The following CD200 variants were observed in gnomAD, a reference collection of about 807,000 sequenced individuals.
CD200 encodes CD200 molecule.
A neutral mutation model predicts 30.9 loss-of-function variants in CD200; 15 were observed. The observed-to-expected ratio is 0.49, with a 90% CI of 0.32 to 0.75. The LOEUF (loss-of-function observed/expected upper bound fraction) is 0.75. CD200 is among the 30% of genes least tolerant of loss of function. CD200 has a pLI of 0.03. For missense variants in CD200, 262 were observed against 324.2 expected (o/e 0.81, Z 1.47); for synonymous variants, 134 against 126.2 (o/e 1.06, Z -0.41).
rs201035128 is a variant in CD200 at position 112,345,386 on chromosome 3, A to T, written c.421+98A>T. 175 of 934,388 alleles carry T rather than the reference A, an allele frequency of 1.9e-4. 1 individual carries two copies. The East Asian group carries it at 4.2e-3, about 23-fold the overall frequency. The allele number at this position is 934,388 out of a possible 1,614,324, so 57.9% of individuals were successfully genotyped here. On this transcript the variant is annotated intron_variant, in intron 3 of 5. Transcript: ENST00000315711. ...TGCCCAGTTTTTCAGGATTTTAACC[A>T]CAGAAAGGGTCATGAGAAGATAGCC...
intron 2 of CD200, among the ~76,000 whole-genome samples, chr3:112,341,985 T>G (rs2081248671): frequency 6.6e-6 from 1 of 152,190 alleles, no homozygotes; most frequent in South Asian, 2.1e-4. Context: ...TATACCCATC[T>G]TTCATTCCCT....
In CD200 at chr3:112,344,983, A is replaced by G. The variant is rs1465337324; in HGVS notation, c.116A>G (p.Glu39Gly). The change falls in exon 3 of 6, where the codon GAA (glutamate) becomes GGA (glycine). Residue 39 changes from glutamate to glycine, a missense_variant. Transcript: ENST00000315711. ...ATAGTGCAAGTGGTGACCCAGGATG[A>G]AAGAGAGCAGCTGTACACACCTGCT... is the stretch of plus-strand genomic sequence containing the variant. ...TAQVQVVTQDEREQLYTPASL... is the reference protein window; with the variant it reads ...TAQVQVVTQDGREQLYTPASL... 1 of 1,612,854 alleles carries G rather than the reference A, an allele frequency of 6.2e-7. No individual in the cohort carries two copies. The highest frequency in any genetic ancestry group is 1.3e-5 in the African/African-American group (1 of 74,830).
At chr3:112,352,685 G>GGTAAGTAAGGTAAGTAAGTAAGGTAA (rs1383602416) in intron 5 of CD200, among the ~76,000 whole-genome samples, 1 of 152,134 alleles carries the variant, frequency 6.6e-6, no homozygotes, top group East Asian at 1.9e-4. Context: ...ATAAAAATCT[G>GGTAAGTAAGGTAAGTAAGTAAGGTAA]GTAAGTAAGG....
At position 112,342,418 on chromosome 3, in the gene CD200, TTTCTTTCTTTC is replaced by T. The variant is rs1188560064; in HGVS notation, c.94+1440_94+1450del. Among the ~76,000 whole-genome samples, 92 of 82,822 alleles carry T rather than the reference TTTCTTTCTTTC, an allele frequency of 1.1e-3. 12 individuals carry two copies. The highest frequency in any genetic ancestry group is 3.9e-3 in the African/African-American group (87 of 22,148). The allele number at this position is 82,822 out of a possible 152,430, so 54.3% of individuals were successfully genotyped here. Reference sequence around the variant, plus strand: ...CTTTCTTTCTTTCTTTCTTTCTTTCTTTCTTTCTTTCTTCTCTCTCTTTCTATGAAATTTCA... The same window carrying T: ...CTTTCTTTCTTTCTTTCTTTCTTTCTTTCTCTCTCTTTCTATGAAATTTCA... On this transcript the variant is annotated intron_variant, in intron 2 of 5. Coordinates refer to ENST00000315711, the MANE Select transcript of CD200 (RefSeq NM_005944.7).
At chr3:112,345,428 G>C (rs113185557) in intron 3 of CD200, 140 bp downstream of exon 3, 11 of 666,330 alleles carry the variant, frequency 1.7e-5, no homozygotes, top group Non-Finnish European at 7.8e-6. Flanking sequence ...GTCTACTATA[G>C]CTGTGTTTAT....
chr3:112,352,475 G>C (rs1372151373), intron 5 of CD200, among the ~76,000 whole-genome samples: 1 of 151,926 alleles, frequency 6.6e-6, no homozygotes, highest in Non-Finnish European at 1.5e-5. Context: ...TAATACAAAG[G>C]TTTTGAACTT....
intron 1 of CD200, among the ~76,000 whole-genome samples, chr3:112,339,215 T>A (rs941078822): frequency 1.3e-5 from 2 of 152,190 alleles, no homozygotes; most frequent in Admixed American, 1.3e-4. Context: ...GTCTTTCAAA[T>A]CAGACAATTA....
At chr3:112,360,938 T>C (rs2081728657) in intron 5 of CD200, among the ~76,000 whole-genome samples, 1 of 152,266 alleles carries the variant, frequency 6.6e-6, no homozygotes, top group South Asian at 2.1e-4. Context: ...AACATATTCC[T>C]TTACTTGTAG....
At chr3:112,361,186 GCCA>G (rs1041244165) in intron 5 of CD200, among the ~76,000 whole-genome samples, 7 of 150,646 alleles carry the variant, frequency 4.6e-5, no homozygotes, top group African/African-American at 1.7e-4. Flanking sequence ...ACAGGTGCAT[GCCA>G]CCATGTCCAG....
intron 5 of CD200, among the ~76,000 whole-genome samples, chr3:112,350,569 A>G (rs1341962882): frequency 6.6e-6 from 1 of 152,232 alleles, no homozygotes; most frequent in African/African-American, 2.4e-5. Context: ...AGGAAGAATG[A>G]AATGTCTTTG....
chr3:112,339,203 T>C (rs938255599), intron 1 of CD200, among the ~76,000 whole-genome samples: 1 of 152,212 alleles, frequency 6.6e-6, no homozygotes, highest in East Asian at 1.9e-4. Flanking sequence ...TTTTGTCCTC[T>C]GGTCTTTCAA....
At chr3:112,342,353 CTTTCTTTCTTTCTTTCTTTCT>C (rs2081274783) in intron 2 of CD200, among the ~76,000 whole-genome samples, 3 of 10,368 alleles carry the variant, frequency 2.9e-4, no homozygotes, top group African/African-American at 1.1e-3. Flanking sequence ...TTCTTTCTTT[CTTTCTTTCTTTCTTTCTTTCT>C]TTCTTTCTTT....
At chr3:112,345,394 G>C in intron 3 of CD200, 106 bp downstream of exon 3, 1 of 867,180 alleles carries the variant, frequency 1.2e-6, no homozygotes, top group South Asian at 1.7e-5. Flanking sequence ...CCACAGAAAG[G>C]GTCATGAGAA....
At chr3:112,336,885 A>G (rs1329891883) in intron 1 of CD200, among the ~76,000 whole-genome samples, 1 of 152,182 alleles carries the variant, frequency 6.6e-6, no homozygotes, top group East Asian at 1.9e-4. Context: ...GCCAAATAAG[A>G]GACTGTTTCT....
At chr3:112,350,101 C>A in intron 5 of CD200, 1 of 348,054 alleles carries the variant, frequency 2.9e-6, no homozygotes, top group Non-Finnish European at 4.0e-6. Context: ...CTGGCACCCA[C>A]ACAAGGCCCT....
At chr3:112,361,409 C>A in intron 5 of CD200, 134 bp from the exon 6 acceptor site, 2 of 778,002 alleles carry the variant, frequency 2.6e-6, no homozygotes, top group African/African-American at 1.8e-5. Context: ...ATGTCTACTT[C>A]TTTATCTTTG....
At chr3:112,353,537 C>T (rs919715013) in intron 5 of CD200, among the ~76,000 whole-genome samples, 5 of 152,056 alleles carry the variant, frequency 3.3e-5, no homozygotes, top group South Asian at 4.2e-4. Context: ...ATAACAATGG[C>T]AAAGTTAATA....
intron 1 of CD200, chr3:112,333,811 G>A (rs1220429443): frequency 1.0e-6 from 1 of 985,298 alleles, no homozygotes; most frequent in East Asian, 1.1e-4. Flanking sequence ...ACTTGAGAGA[G>A]CTGAAATGCT....
chr3:112,334,241 G>A, intron 1 of CD200: 1 of 985,426 alleles, frequency 1.0e-6, no homozygotes, highest in African/African-American at 1.7e-5. Context: ...TTTGGACATA[G>A]AAACTTGCTG....
Sources: gnomAD v4.1 joint callset for allele counts (sites outside exome capture counted in the v4.1 genomes callset) on GRCh38, gnomAD v4.1.1 for gene constraint, MANE v1.5 for transcripts, NCBI Gene and HGNC (gene_info 2026-07-23, HGNC 2026-07-21) for gene names.